The following NKAIN2 variants were observed in gnomAD, a reference collection of about 807,000 sequenced individuals.
The protein encoded by NKAIN2 is sodium/potassium-transporting ATPase subunit beta-1-interacting protein 2.
In NKAIN2, 14 loss-of-function variants were observed where a neutral mutation model predicts 32.6. The observed-to-expected ratio is 0.43, with a 90% confidence interval of 0.28 to 0.67. The LOEUF (loss-of-function observed/expected upper bound fraction) is 0.67. NKAIN2 is among the 30% of genes least tolerant of loss of function. The pLI, the probability that NKAIN2 is intolerant of heterozygous loss-of-function variation, is 0.17. For synonymous variants in NKAIN2, 80 were observed against 87.2 expected (o/e 0.92, Z 0.46); for missense variants, 198 against 258.3 (o/e 0.77, Z 1.60).
At chr6:124,672,838 C>T (rs1007699664) in intron 4 of NKAIN2, among the ~76,000 whole-genome samples, 4 of 152,046 alleles carry the variant, frequency 2.6e-5, no homozygotes, top group Non-Finnish European at 5.9e-5. Context: ...GTTTCCTCAT[C>T]TGTAATAGGC....
chr6:124,268,204 A>G (rs934429575), intron 1 of NKAIN2, among the ~76,000 whole-genome samples: 4 of 152,208 alleles, frequency 2.6e-5, no homozygotes, highest in African/African-American at 9.6e-5. Flanking sequence ...GTAGGTGTGC[A>G]TGAAATTCAA....
intron 1 of NKAIN2, among the ~76,000 whole-genome samples, chr6:124,002,390 T>TTG (rs1779915225): frequency 6.6e-6 from 1 of 152,122 alleles, no homozygotes; most frequent in Non-Finnish European, 1.5e-5. Flanking sequence ...ACTGAGGAAA[T>TTG]TACAAAGAAC....
intron 1 of NKAIN2, among the ~76,000 whole-genome samples, chr6:124,186,966 A>AT (rs10717057): frequency 6.6e-6 from 1 of 151,808 alleles, no homozygotes; most frequent in Non-Finnish European, 1.5e-5. Flanking sequence ...AGTACTGATG[A>AT]TTTTTTTTAA....
intron 4 of NKAIN2, among the ~76,000 whole-genome samples, chr6:124,703,704 A>T (rs1466343023): frequency 6.6e-6 from 1 of 151,884 alleles, no homozygotes; most frequent in East Asian, 1.9e-4. Flanking sequence ...TAAAGAAGTG[A>T]CTCCGTGCTG....
intron 3 of NKAIN2, among the ~76,000 whole-genome samples, chr6:124,449,594 C>T (rs1002596639): frequency 6.6e-5 from 10 of 152,050 alleles, no homozygotes; most frequent in Non-Finnish European, 1.3e-4. Context: ...CAATAACATC[C>T]ACATTTAGAC....
At chr6:124,502,136 G>A (rs1018687912) in intron 3 of NKAIN2, among the ~76,000 whole-genome samples, 6 of 151,962 alleles carry the variant, frequency 3.9e-5, no homozygotes, top group Non-Finnish European at 7.4e-5. Context: ...AATATAATGG[G>A]AAGATAGGGA....
rs191558713 is a variant in NKAIN2, at chr6:124,524,746, G to A, written c.274-133440G>A. Among the ~76,000 whole-genome samples, 53 of 152,222 alleles carry A rather than the reference G, an allele frequency of 3.5e-4. 3 individuals are homozygous for A. The highest frequency in any genetic ancestry group is 7.2e-5 in the African/African-American group (3 of 41,532). On this transcript the variant is annotated intron_variant, in intron 3 of 6. Coordinates refer to ENST00000368417, the MANE Select transcript of NKAIN2 (RefSeq NM_001040214.3). ...GAATTTGCATGTGCTTGTCTAACTC[G>A]CTAACTTCTAACATATCCCTTTTAT...
intron 1 of NKAIN2, among the ~76,000 whole-genome samples, chr6:123,883,203 G>A (rs536688083): frequency 6.6e-6 from 1 of 152,118 alleles, no homozygotes; most frequent in South Asian, 2.1e-4. Context: ...GGAGTACAGT[G>A]GCGTGAACTC....
chr6:124,002,344 A>G (rs1167351382), intron 1 of NKAIN2, among the ~76,000 whole-genome samples: 1 of 152,172 alleles, frequency 6.6e-6, no homozygotes, highest in East Asian at 1.9e-4. Context: ...ATGGTTAATG[A>G]ATAAATAGAG....
chr6:124,254,140 T>C (rs893183772), intron 1 of NKAIN2, among the ~76,000 whole-genome samples: 1 of 151,522 alleles, frequency 6.6e-6, no homozygotes, highest in South Asian at 2.1e-4. Context: ...TTAGTAGAGA[T>C]GGGATTTCAC....
intron 3 of NKAIN2, among the ~76,000 whole-genome samples, chr6:124,637,599 T>G (rs1326484068): frequency 6.6e-6 from 1 of 152,064 alleles, no homozygotes; most frequent in African/African-American, 2.4e-5. Flanking sequence ...CATACAAAAA[T>G]TAGTAGTGTT....
chr6:124,219,078 G>A (rs896214935), intron 1 of NKAIN2, among the ~76,000 whole-genome samples: 3 of 152,004 alleles, frequency 2.0e-5, no homozygotes, highest in Non-Finnish European at 2.9e-5. Flanking sequence ...CCCTCAACAC[G>A]TGGGAATAAC....
chr6:124,794,762 G>A (rs897470362), intron 5 of NKAIN2: 2 of 317,338 alleles, frequency 6.3e-6, no homozygotes, highest in African/African-American at 4.5e-5. Context: ...TTCACACCTA[G>A]ACAGTTATGA....
At chr6:124,693,865 C>T (rs1774370834) in intron 4 of NKAIN2, among the ~76,000 whole-genome samples, 1 of 152,102 alleles carries the variant, frequency 6.6e-6, no homozygotes, top group Non-Finnish European at 1.5e-5. Context: ...GAAAATGCAC[C>T]TTATGAATCC....
At chr6:123,898,749 A>C (rs1196238175) in intron 1 of NKAIN2, among the ~76,000 whole-genome samples, 1 of 152,114 alleles carries the variant, frequency 6.6e-6, no homozygotes, top group Non-Finnish European at 1.5e-5. Context: ...AATTTACCAA[A>C]GTAAATTCCT....
intron 3 of NKAIN2, among the ~76,000 whole-genome samples, chr6:124,632,539 CCCCCTCCTCTTAA>C (rs1783610603): frequency 6.6e-6 from 1 of 152,082 alleles, no homozygotes; most frequent in South Asian, 2.1e-4. Context: ...TGAGTGAATA[CCCCCTCCTCTTAA>C]AAGTGTTCCT....
intron 4 of NKAIN2, among the ~76,000 whole-genome samples, chr6:124,662,353 T>G (rs2114442476): frequency 6.6e-6 from 1 of 152,268 alleles, no homozygotes; most frequent in South Asian, 2.1e-4. Context: ...GCCATTAGTG[T>G]TGACTTAGAA....
chr6:124,814,478 T>A (rs1490579165), intron 5 of NKAIN2, among the ~76,000 whole-genome samples: 1 of 152,188 alleles, frequency 6.6e-6, no homozygotes, highest in African/African-American at 2.4e-5. Context: ...TGTTGGAACT[T>A]CTTCCATACC....
At chr6:124,677,715 A>T (rs939835858) in intron 4 of NKAIN2, among the ~76,000 whole-genome samples, 2 of 152,100 alleles carry the variant, frequency 1.3e-5, no homozygotes, top group East Asian at 3.8e-4. Flanking sequence ...TTTGTATTTT[A>T]CTTCTATGTC....
Sources: allele counts gnomAD v4.1 joint callset (sites outside exome capture counted in the v4.1 genomes callset), GRCh38; gene constraint gnomAD v4.1.1; transcripts MANE v1.5; gene names NCBI Gene and HGNC (gene_info 2026-07-23, HGNC 2026-07-21).